Variants in LRGUK observed in about 807,000 individuals in gnomAD.
The protein encoded by LRGUK is leucine-rich repeat and guanylate kinase domain-containing protein.
A neutral mutation model predicts 76.0 loss-of-function variants in LRGUK; 65 were observed. The ratio of observed to expected loss-of-function variants is 0.85; its 90% confidence interval spans 0.70 to 1.05. The LOEUF (loss-of-function observed/expected upper bound fraction) is 1.05, where lower values mean the gene tolerates loss of function less well. Ranked by LOEUF, LRGUK falls within the 50% of genes least tolerant of loss-of-function variation. The probability of loss-of-function intolerance (pLI) is 0.00; values close to 1 mark genes in which losing one functional copy is unlikely to be tolerated. For synonymous variants in LRGUK, 268 were observed against 265.6 expected (o/e 1.01, Z -0.09); for missense variants, 758 against 732.8 (o/e 1.03, Z -0.40).
At chr7:134,158,512 G>T (rs557253881) in intron 6 of LRGUK, among the ~76,000 whole-genome samples, 56 of 152,092 alleles carry the variant, frequency 3.7e-4, no homozygotes, top group South Asian at 2.5e-3. Context: ...AACATTTAAG[G>T]ATACTTAAGC....
chr7:134,264,180 T>A, exon 20 of LRGUK: 1 of 422,114 alleles, frequency 2.4e-6, no homozygotes, highest in Non-Finnish European at 4.0e-6. Context: ...AAATTGTTTC[T>A]TAAATGATTT....
chr7:134,177,603 A>G (rs767314667), intron 9 of LRGUK, among the ~76,000 whole-genome samples: 2 of 152,336 alleles, frequency 1.3e-5, no homozygotes, highest in Admixed American at 1.3e-4. Flanking sequence ...CCTGCTTTTC[A>G]TACTCATGGT....
chr7:134,139,073 A>G (rs954387296), intron 2 of LRGUK, among the ~76,000 whole-genome samples: 9 of 151,848 alleles, frequency 5.9e-5, no homozygotes, highest in African/African-American at 1.9e-4. Flanking sequence ...AATTCTAGAC[A>G]TTTTTTTCTT....
In LRGUK at chr7:134,239,672, G is replaced by A. The variant is rs1262064810; in HGVS notation, c.1984-7884G>A. Reference sequence around the variant, plus strand: ...AGAAGAAACTTCTGCAGACTTAAACGTCCCTGTCTGACAGCTTTGAAGAGA... The same window carrying A: ...AGAAGAAACTTCTGCAGACTTAAACATCCCTGTCTGACAGCTTTGAAGAGA... On this transcript the variant is annotated intron_variant, in intron 16 of 19. Coordinates refer to the LRGUK transcript ENST00000285928. Among the ~76,000 whole-genome samples, 7 of 152,220 alleles carry A rather than the reference G, an allele frequency of 4.6e-5. No individual in the cohort carries two copies. In the South Asian group the frequency reaches 6.2e-4, roughly 14 times the overall value.
At chr7:134,201,688 ATTCCTGTAC>A (rs1312103716) in intron 15 of LRGUK, 112 bp downstream of exon 15, 2 of 684,822 alleles carry the variant, frequency 2.9e-6, no homozygotes, top group Non-Finnish European at 4.9e-6. Context: ...GTTCTCTTTT[ATTCCTGTAC>A]TTCTTCTGGG....
At chr7:134,147,957 G>A (rs965261988) in intron 4 of LRGUK, among the ~76,000 whole-genome samples, 3 of 151,416 alleles carry the variant, frequency 2.0e-5, no homozygotes, top group African/African-American at 7.3e-5. Context: ...AGCTACTGGG[G>A]AGGCTGAGGC....
chr7:134,157,538 T>C (rs573828887), intron 5 of LRGUK, among the ~76,000 whole-genome samples: 1 of 152,368 alleles, frequency 6.6e-6, no homozygotes, highest in South Asian at 2.1e-4. Flanking sequence ...TATGCGTTTT[T>C]TTGAGACGGA....
chr7:134,198,584 G>A (rs1192651485), intron 13 of LRGUK, among the ~76,000 whole-genome samples: 2 of 152,204 alleles, frequency 1.3e-5, no homozygotes, highest in Admixed American at 6.5e-5. Flanking sequence ...CATTTCACCC[G>A]TGAGGAAACT....
intron 16 of LRGUK, among the ~76,000 whole-genome samples, chr7:134,239,491 G>C (rs139109516): frequency 0.031 from 4,767 of 152,320 alleles, 218 homozygotes; most frequent in East Asian, 0.15. Context: ...AGGTGGCAGC[G>C]AGGCTGGGGG....
exon 16 of LRGUK, chr7:134,209,833 C>T: frequency 5.0e-6 from 2 of 399,344 alleles, no homozygotes; most frequent in Non-Finnish European, 8.8e-6. Context: ...TCAGTCCCCC[C>T]AGCCAGGAGC....
exon 19 of LRGUK, chr7:134,258,378 G>A: frequency 1.9e-6 from 3 of 1,613,996 alleles, no homozygotes; most frequent in Non-Finnish European, 1.7e-6. Flanking sequence ...AGGAGCCAGT[G>A]ACAGTGAGAC....
At chr7:134,224,415 GA>G (rs1372877872) in intron 16 of LRGUK, among the ~76,000 whole-genome samples, 7 of 152,292 alleles carry the variant, frequency 4.6e-5, no homozygotes, top group Admixed American at 3.9e-4. Context: ...TCCTTTGCAG[GA>G]ACGTGGAGGC....
intron 10 of LRGUK, 81 bp downstream of exon 10, chr7:134,178,690 T>G (rs896709473): frequency 1.9e-6 from 2 of 1,036,968 alleles, no homozygotes; most frequent in African/African-American, 1.6e-5. Flanking sequence ...ACCCCTATTT[T>G]GTGACCCCTT....
At chr7:134,196,274 T>G (rs1400113174) in intron 12 of LRGUK, among the ~76,000 whole-genome samples, 1 of 152,118 alleles carries the variant, frequency 6.6e-6, no homozygotes, top group African/African-American at 2.4e-5. Flanking sequence ...CAGACAATTT[T>G]AAGAGACATC....
chr7:134,198,583 C>T (rs940950031), intron 13 of LRGUK, among the ~76,000 whole-genome samples: 6 of 152,300 alleles, frequency 3.9e-5, no homozygotes, highest in East Asian at 3.9e-4. Flanking sequence ...TCATTTCACC[C>T]GTGAGGAAAC....
chr7:134,256,501 C>T (rs1283487521), intron 18 of LRGUK, among the ~76,000 whole-genome samples: 3 of 151,014 alleles, frequency 2.0e-5, no homozygotes, highest in African/African-American at 4.9e-5. Context: ...TGTCTTTTTC[C>T]GGTTAGTTTT....
intron 16 of LRGUK, among the ~76,000 whole-genome samples, chr7:134,246,868 AG>A (rs945570007): frequency 6.6e-5 from 10 of 152,310 alleles, no homozygotes; most frequent in Admixed American, 5.9e-4. Context: ...GCTTTAAGGG[AG>A]GAAATCCAGT....
chr7:134,181,481 A>G (rs544181297), intron 10 of LRGUK, among the ~76,000 whole-genome samples: 1 of 151,440 alleles, frequency 6.6e-6, no homozygotes, highest in African/African-American at 2.4e-5. Context: ...TTCTGAGCTG[A>G]TATTTCAGGT....
At chr7:134,127,523 C>T (rs762064983) in exon 1 of LRGUK, 23 of 1,614,204 alleles carry the variant, frequency 1.4e-5, no homozygotes, top group Non-Finnish European at 1.9e-5. Flanking sequence ...AGACGAAAGG[C>T]AGCTCTAACA....
Sources: allele counts gnomAD v4.1 joint callset (sites outside exome capture counted in the v4.1 genomes callset), GRCh38; gene constraint gnomAD v4.1.1; transcripts MANE v1.5; gene names NCBI Gene and HGNC (gene_info 2026-07-23, HGNC 2026-07-21).